The following GTPBP2 variants were observed in gnomAD, a reference collection of about 807,000 sequenced individuals.
GTPBP2 encodes the protein GTP-binding protein 2.
Under a neutral mutation model 63.0 loss-of-function variants are expected in GTPBP2, and 32 were observed. The observed-to-expected ratio is 0.51, with a 90% CI of 0.38 to 0.68. The LOEUF (loss-of-function observed/expected upper bound fraction) is 0.68, where lower values mean the gene tolerates loss of function less well. Among genes scored for constraint, GTPBP2 ranks in the 30% least tolerant of loss-of-function variants. The pLI, the probability that GTPBP2 is intolerant of heterozygous loss-of-function variation, is 0.00. For missense variants in GTPBP2, 492 were observed against 796.9 expected (o/e 0.62, Z 4.61); for synonymous variants, 310 against 322.6 (o/e 0.96, Z 0.42).
intron 1 of GTPBP2, 168 bp from the exon 2 acceptor site, chr6:43,627,116 A>C (rs1582352320): frequency 3.0e-6 from 2 of 670,958 alleles, no homozygotes; most frequent in East Asian, 3.1e-5. Context: ...TCCTCTATTC[A>C]CCCCCAGCAT....
upstream of GTPBP2, chr6:43,629,778 G>A: frequency 6.4e-7 from 1 of 1,563,858 alleles, no homozygotes. Flanking sequence ...GGGTGAGTCA[G>A]GGCGAACGCC....
At position 43,626,290 on chromosome 6, in the gene GTPBP2, G is replaced by A. The variant is rs773466961; in HGVS notation, c.334C>T (p.Leu112=). 6.2e-7 allele frequency: 1 copy of A among 1,614,146 alleles called. No individual in the cohort carries two copies. Residue 112 remains leucine (L), a synonymous_variant, in exon 3 of 12, where the codon CTG becomes TTG. Transcript: ENST00000307126. The surrounding 1 kb of genome is among the most constrained non-coding windows in gnomAD (Gnocchi z 4.0). The part of the protein sequence containing the change: ...YQIGVEDNGL[L]VGLAEEEMRA... ...ATTTCCTCCTCAGCCAGCCCCACCA[G>A]CAGCCCATTGTCCTCTACCCCAATC...
chr6:43,621,822 A>ATTCT, intron 11 of GTPBP2, 32 bp from the exon 12 acceptor site: 4 of 1,613,948 alleles, frequency 2.5e-6, no homozygotes, highest in Non-Finnish European at 2.5e-6. Flanking sequence ...TCCCCTGGCC[A>ATTCT]GTGCCTTCTG....
At chr6:43,623,505 C>G in intron 9 of GTPBP2, 1 of 571,324 alleles carries the variant, frequency 1.8e-6, no homozygotes, top group Non-Finnish European at 3.1e-6. Flanking sequence ...AAGACCCACA[C>G]TTCTCTCTCA....
rs966380869 is a variant in GTPBP2 at position 43,629,237 on chromosome 6, T to A, written c.-75A>T. 1 of 1,044,792 alleles carries A rather than the reference T, an allele frequency of 9.6e-7. No homozygotes were observed. Among genetic ancestry groups the A allele is most frequent in the Non-Finnish European group, 1.2e-6 (1 of 807,568 alleles). The allele number at this position is 1,044,792 out of a possible 1,614,324, so 64.7% of individuals were successfully genotyped here. A position where few individuals can be genotyped will look rare whatever the true frequency, so the allele number is the denominator to read the frequency against. On this transcript the variant is annotated 5_prime_UTR_variant, in exon 1 of 12. Transcript: ENST00000307126. Reference sequence around the variant, plus strand: ...CCGTCGCCGCCGCCCTTACTGCCACTGCCGTGTCCGGCCGGCCTGAGCAGA... The same window carrying A: ...CCGTCGCCGCCGCCCTTACTGCCACAGCCGTGTCCGGCCGGCCTGAGCAGA...
upstream of GTPBP2, chr6:43,629,738 GT>G: frequency 6.4e-7 from 1 of 1,553,024 alleles, no homozygotes; most frequent in Non-Finnish European, 8.7e-7. Flanking sequence ...CTCTGCCTCA[GT>G]TTCTTCCCCT....
In GTPBP2 at chr6:43,626,345, G is replaced by A; in HGVS notation, c.279C>T (p.Leu93=). ...AGACGGCCTCACCACGTCCCTCCTG[G>A]AGCCGCCACTTCATTTGTGTCACCA... ...EHLVTQMKWR[L]QEGRGEAVYQ... is the part of the protein sequence containing the mutation. The change falls in exon 3 of 12, where the codon CTC becomes CTT. Residue 93 remains leucine, a synonymous_variant. Coordinates refer to ENST00000307126, the MANE Select transcript of GTPBP2 (RefSeq NM_019096.5). This position sits in a 1 kb window ranked among gnomAD's most constrained non-coding sequence, Gnocchi z 4.0. The A allele has an allele frequency of 1.2e-6, 2 of 1,614,166 alleles. No homozygotes were observed. Among genetic ancestry groups the A allele is most frequent in the Non-Finnish European group, 1.7e-6 (2 of 1,180,032 alleles).
At chr6:43,628,476 G>C in intron 1 of GTPBP2, 1 of 546,932 alleles carries the variant, frequency 1.8e-6, no homozygotes, top group Non-Finnish European at 2.3e-6. Flanking sequence ...TAGGCTGTGT[G>C]TGTGTGTGTG....
chr6:43,630,908 C>CAAAA (rs753239311), upstream of GTPBP2, among the ~76,000 whole-genome samples: 2,266 of 50,666 alleles, frequency 0.045, 177 homozygotes, highest in African/African-American at 0.14. Context: ...GACTTCGTCT[C>CAAAA]AAAAAAAAAA....
chr6:43,628,631 T>A, intron 1 of GTPBP2: 1 of 737,888 alleles, frequency 1.4e-6, no homozygotes, highest in Non-Finnish European at 1.7e-6. Flanking sequence ...ACTGTCTGCC[T>A]CTCGTCCCAG....
chr6:43,623,828 C>A, intron 8 of GTPBP2, 33 bp from the exon 9 acceptor site: 2 of 1,610,512 alleles, frequency 1.2e-6, no homozygotes, highest in Non-Finnish European at 1.7e-6. Context: ...CAATGGCCTG[C>A]CAAGTAGGGC....
chr6:43,623,362 C>G, intron 9 of GTPBP2: 1 of 214,508 alleles, frequency 4.7e-6, no homozygotes, highest in Non-Finnish European at 9.3e-6. Context: ...TGCAATCCAG[C>G]CTGGGCAACA....
chr6:43,621,743 C>A lies in GTPBP2; in HGVS notation c.1680G>T (p.Leu560=). ...GEKAVVRFRF[L]KHPEYLKVGA... is the part of the protein sequence containing the mutation. ...CCACCTTCAGGTACTCTGGGTGTTT[C>A]AGGAAGCGGAAACGTACCACTGCCT... The change falls in exon 12 of 12, where the codon CTG becomes CTT. Residue 560 remains leucine, a synonymous_variant. Coordinates refer to ENST00000307126, the MANE Select transcript of GTPBP2 (RefSeq NM_019096.5). 6.2e-7 allele frequency: 1 copy of A among 1,614,194 alleles called. No homozygotes were observed. The highest frequency in any genetic ancestry group is 1.7e-5 in the Admixed American group (1 of 60,016).
rs1769196663 is a variant in GTPBP2 at position 43,625,166 on chromosome 6, T to G, written c.706-104A>C. 3.4e-6 allele frequency: 4 copies of G among 1,167,918 alleles called. No individual in the cohort carries two copies. The highest frequency in any genetic ancestry group is 1.4e-5 in the South Asian group (1 of 70,024). The allele number at this position is 1,167,918 out of a possible 1,614,324, so 72.3% of individuals were successfully genotyped here. ...CCCTGGGTGACCCTGCCTCTTAATC[T>G]TGACCCCATTTTTTATTTAATTTAG... On this transcript the variant is annotated intron_variant, in intron 5 of 11. Coordinates refer to ENST00000307126, the MANE Select transcript of GTPBP2 (RefSeq NM_019096.5). The surrounding 1 kb of genome is among the most constrained non-coding windows in gnomAD (Gnocchi z 5.1).
Position 43,625,068 on chromosome 6 carries a change from C to T in GTPBP2, c.706-6G>A. 1 of 1,612,466 alleles carries T rather than the reference C, an allele frequency of 6.2e-7. No homozygotes were observed. The highest frequency in any genetic ancestry group is 8.5e-7 in the Non-Finnish European group (1 of 1,179,504). ...GAGTCGCTGTAATTCACCACCTGGC[C>T]CAGGGCCCAGGGCCCTCAGTGCCTC... On this transcript the variant is annotated splice_polypyrimidine_tract_variant and splice_region_variant and intron_variant, in intron 5 of 11. Transcript: ENST00000307126. The surrounding 1 kb of genome is among the most constrained non-coding windows in gnomAD (Gnocchi z 5.1).
intron 1 of GTPBP2, chr6:43,628,505 T>TG: frequency 1.1e-5 from 9 of 848,774 alleles, no homozygotes; most frequent in Non-Finnish European, 1.3e-5. Flanking sequence ...TGTGTGTGTG[T>TG]AGTGAACATA....
At chr6:43,629,580 G>C, upstream of GTPBP2, 1 of 716,708 alleles carries the variant, frequency 1.4e-6, no homozygotes. Flanking sequence ...GGGGACGCGA[G>C]GACACCAGCG....
rs1769711683 is a variant in GTPBP2 at position 43,629,132 on chromosome 6, C to T, written c.31G>A (p.Gly11Ser). The part of the protein sequence containing the change: MDSRVSELFG[G>S]CCRPGGGPAV... Reference sequence around the variant, plus strand: ...GGGCCCCCTCCGGGCCGGCAGCAGCCGCCGAACAGCTCCGATACCCGCGAG... The same window carrying T: ...GGGCCCCCTCCGGGCCGGCAGCAGCTGCCGAACAGCTCCGATACCCGCGAG... The change falls in exon 1 of 12, where the codon GGC (glycine) becomes AGC (serine). Residue 11 changes from glycine to serine, a missense_variant. Physicochemically the swap from Gly to Ser is moderately conservative, Grantham distance 56 (BLOSUM62 0). This residue lies in a region of GTPBP2 where 92 missense variants were observed against 86.1 expected (regional missense o/e 1.07). Transcript: ENST00000307126. The T allele has an allele frequency of 4.6e-6, 7 of 1,523,540 alleles. No homozygotes were observed. In the East Asian group the frequency reaches 1.5e-4, roughly 33 times the overall value. 94.4% of individuals were successfully genotyped at this position (1,523,540 alleles called of 1,614,324 possible).
At position 43,629,206 on chromosome 6, in the gene GTPBP2, CCGCCGCCGT is replaced by C. The variant is rs1028283832; in HGVS notation, c.-53_-45del. 2.3e-6 allele frequency: 3 copies of C among 1,287,904 alleles called. No homozygotes were observed. The African/African-American group carries it at 4.7e-5, about 20-fold the overall frequency. The allele number at this position is 1,287,904 out of a possible 1,614,324, so 79.8% of individuals were successfully genotyped here. A position where few individuals can be genotyped will look rare whatever the true frequency, so the allele number is the denominator to read the frequency against. The stretch of plus-strand genomic sequence containing the variant: ...CCCCGCCCGGCCCCTCCCCCGACCG[CCGCCGCCGT>C]CGCCGCCGCCCTTACTGCCACTGCC... On this transcript the variant is annotated 5_prime_UTR_variant, in exon 1 of 12. Coordinates refer to ENST00000307126, the MANE Select transcript of GTPBP2 (RefSeq NM_019096.5).
Sources: gnomAD v4.1 joint callset for allele counts (sites outside exome capture counted in the v4.1 genomes callset) on GRCh38, gnomAD v4.1.1 for gene constraint, gnomAD v4.1.1 regional missense constraint, Gnocchi (gnomAD v3.1) non-coding constraint, MANE v1.5 for transcripts, NCBI Gene and HGNC (gene_info 2026-07-23, HGNC 2026-07-21) for gene names.